DDX4: variants seen among roughly 807,000 people sequenced by gnomAD.
DDX4 encodes probable ATP-dependent RNA helicase DDX4.
In DDX4, 25 loss-of-function variants were observed where a neutral mutation model predicts 100.0. The ratio of observed to expected loss-of-function variants is 0.25; its 90% CI spans 0.18 to 0.35. The LOEUF is 0.35. Ranked by LOEUF, DDX4 falls within the 10% of genes least tolerant of loss-of-function variation. DDX4 has a pLI of 1.00. For missense variants in DDX4, 635 were observed against 882.4 expected (o/e 0.72, Z 3.55); for synonymous variants, 259 against 275.7 (o/e 0.94, Z 0.60).
chr5:55,772,376 G>A (rs1009845388), intron 7 of DDX4, among the ~76,000 whole-genome samples: 1 of 152,068 alleles, frequency 6.6e-6, no homozygotes, highest in African/African-American at 2.4e-5. Flanking sequence ...TCCTAAATTA[G>A]GTGGCTTATA....
intron 10 of DDX4, among the ~76,000 whole-genome samples, chr5:55,784,526 C>T (rs1234850759): frequency 1.3e-5 from 2 of 152,204 alleles, no homozygotes; most frequent in Admixed American, 6.5e-5. Flanking sequence ...GCAAATTAAC[C>T]ATCACAGCTA....
chr5:55,796,559 C>G (rs1365309701), intron 17 of DDX4, among the ~76,000 whole-genome samples: 2 of 152,138 alleles, frequency 1.3e-5, no homozygotes, highest in Admixed American at 6.5e-5. Context: ...TCTTCATAGA[C>G]TGATTTTTAA....
chr5:55,773,960 G>A (rs1220728667), intron 7 of DDX4, among the ~76,000 whole-genome samples: 1 of 151,892 alleles, frequency 6.6e-6, no homozygotes, highest in Non-Finnish European at 1.5e-5. Context: ...TTTGATGACT[G>A]TGATGTTGAG....
intron 6 of DDX4, 70 bp from the exon 7 acceptor site, chr5:55,767,809 CAG>C: frequency 9.8e-7 from 1 of 1,023,602 alleles, no homozygotes; most frequent in Non-Finnish European, 1.4e-6. Flanking sequence ...TATCTTGTGA[CAG>C]TGCTATTCTT....
At chr5:55,757,679 T>C (rs1760022320) in intron 3 of DDX4, among the ~76,000 whole-genome samples, 1 of 152,136 alleles carries the variant, frequency 6.6e-6, no homozygotes, top group Non-Finnish European at 1.5e-5. Flanking sequence ...GACCTTTTCA[T>C]GAAAAAAATC....
At chr5:55,757,539 C>A (rs1760014801) in intron 3 of DDX4, among the ~76,000 whole-genome samples, 1 of 152,004 alleles carries the variant, frequency 6.6e-6, no homozygotes, top group South Asian at 2.1e-4. Context: ...TTTGAAATTG[C>A]GAATTGTGCT....
chr5:55,782,272 A>G lies in DDX4; in HGVS notation c.625+291A>G, dbSNP rs538411533. 4.9e-4 allele frequency: 141 copies of G among 288,396 alleles called. No homozygotes were observed. The highest frequency in any genetic ancestry group is 2.9e-3 in the African/African-American group (136 of 46,374). The allele number at this position is 288,396 out of a possible 1,614,324, so 17.9% of individuals were successfully genotyped here. Reference sequence around the variant, plus strand: ...GATGTTCACTGAGATGTCATTTATAATAAGTAAAAACTGAAAATCACCTAA... The same window carrying G: ...GATGTTCACTGAGATGTCATTTATAGTAAGTAAAAACTGAAAATCACCTAA... On this transcript the variant is annotated intron_variant, in intron 10 of 21. Transcript: ENST00000505374.
At position 55,766,863 on chromosome 5, in the gene DDX4, T is replaced by A. The variant is rs529095926; in HGVS notation, c.335-1018T>A. The A allele has an allele frequency of 1.5e-4, 219 of 1,498,754 alleles. No individual in the cohort carries two copies. The African/African-American group carries it at 2.7e-3, about 19-fold the overall frequency. The allele number at this position is 1,498,754 out of a possible 1,614,324, so 92.8% of individuals were successfully genotyped here. A position where few individuals can be genotyped will look rare whatever the true frequency, so the allele number is the denominator to read the frequency against. On this transcript the variant is annotated intron_variant, in intron 6 of 21. Coordinates refer to ENST00000505374, the MANE Select transcript of DDX4 (RefSeq NM_024415.3). ...TTGGAATCTTCTGGAAAGCCTGATG[T>A]CATAGTAATAACATAGAACTTTTAC... is the stretch of plus-strand genomic sequence containing the variant.
At chr5:55,779,021 T>G (rs1741745951) in intron 7 of DDX4, among the ~76,000 whole-genome samples, 1 of 152,190 alleles carries the variant, frequency 6.6e-6, no homozygotes, top group African/African-American at 2.4e-5. Context: ...GAAAAACTAT[T>G]CAGGATATTG....
At chr5:55,802,808 A>G (rs1363825791) in intron 18 of DDX4, among the ~76,000 whole-genome samples, 1 of 152,232 alleles carries the variant, frequency 6.6e-6, no homozygotes, top group Non-Finnish European at 1.5e-5. Context: ...TTAAATATTG[A>G]GGGTCTGAGG....
At chr5:55,782,004 C>T (rs373687184) in intron 10 of DDX4, 23 bp downstream of exon 10, 71 of 1,612,856 alleles carry the variant, frequency 4.4e-5, no homozygotes, top group South Asian at 2.6e-4. Context: ...TTTGTTTACC[C>T]GAAAGAAGTT....
chr5:55,785,950 A>G (rs1016496380), intron 13 of DDX4, 79 bp downstream of exon 13: 4 of 934,456 alleles, frequency 4.3e-6, no homozygotes, highest in South Asian at 1.6e-5. Flanking sequence ...TGTAAAGCTG[A>G]TATCAACACA....
intron 3 of DDX4, among the ~76,000 whole-genome samples, chr5:55,746,897 T>C (rs1759274769): frequency 2.0e-5 from 3 of 152,314 alleles, no homozygotes; most frequent in Admixed American, 2.0e-4. Context: ...GTTTTTCACA[T>C]TGTTGAAGTC....
chr5:55,811,998 G>GT (rs917434922), intron 18 of DDX4, among the ~76,000 whole-genome samples: 13 of 151,800 alleles, frequency 8.6e-5, no homozygotes, highest in African/African-American at 2.4e-4. Context: ...AGATGTTTTG[G>GT]TTTTTTTTAA....
chr5:55,778,620 G>A (rs1204243939), intron 7 of DDX4, among the ~76,000 whole-genome samples: 7 of 152,288 alleles, frequency 4.6e-5, no homozygotes, highest in South Asian at 4.1e-4. Context: ...GGGGCCAGGC[G>A]CTGTGGCTCA....
intron 18 of DDX4, among the ~76,000 whole-genome samples, chr5:55,810,413 G>A (rs1744057386): frequency 6.6e-6 from 1 of 151,990 alleles, no homozygotes; most frequent in African/African-American, 2.4e-5. Flanking sequence ...CCATGTTTCG[G>A]ATTTTTTTTA....
rs767752643 is a variant in DDX4 at position 55,815,179 on chromosome 5, A to C, written c.1986+8A>C. ...GTAAAAGTATTGACAGATGTAAGTTAAACTTTTATGATGGAATGGATAGTT... is the reference window on the plus strand; with the variant it reads ...GTAAAAGTATTGACAGATGTAAGTTCAACTTTTATGATGGAATGGATAGTT... On this transcript the variant is annotated splice_region_variant and intron_variant, in intron 20 of 21. Transcript: ENST00000505374. 1 of 1,612,180 alleles carries C rather than the reference A, an allele frequency of 6.2e-7. No individual in the cohort carries two copies. The highest frequency in any genetic ancestry group is 8.5e-7 in the Non-Finnish European group (1 of 1,178,952).
At chr5:55,789,254 A>G (rs1184896916) in intron 15 of DDX4, among the ~76,000 whole-genome samples, 1 of 152,212 alleles carries the variant, frequency 6.6e-6, no homozygotes, top group Non-Finnish European at 1.5e-5. Context: ...AAACTCCCTT[A>G]AAACATAGTT....
chr5:55,748,765 A>C (rs1284417628), intron 3 of DDX4, among the ~76,000 whole-genome samples: 1 of 152,134 alleles, frequency 6.6e-6, no homozygotes, highest in East Asian at 1.9e-4. Flanking sequence ...AAAATATGAA[A>C]TCTTAGCCCC....
Sources: allele counts gnomAD v4.1 joint callset (sites outside exome capture counted in the v4.1 genomes callset), GRCh38; gene constraint gnomAD v4.1.1; transcripts MANE v1.5; gene names NCBI Gene and HGNC (gene_info 2026-07-23, HGNC 2026-07-21).